The following CYRIB variants were observed in gnomAD, a reference collection of about 807,000 sequenced individuals.
CYRIB encodes the protein CYFIP related Rac1 interactor B, also known as CYFIP-related Rac1 interactor B.
A neutral mutation model predicts 44.2 loss-of-function variants in CYRIB; 8 were observed. The ratio of observed to expected loss-of-function variants is 0.18; its 90% CI spans 0.11 to 0.33. The LOEUF (loss-of-function observed/expected upper bound fraction) is 0.33, where lower values mean the gene tolerates loss of function less well. Among genes scored for constraint, CYRIB ranks in the 10% least tolerant of loss-of-function variants. CYRIB has a pLI of 1.00. For missense variants in CYRIB, 185 were observed against 382.8 expected, an observed-to-expected ratio of 0.48 and a Z score of 4.31; for synonymous variants, 131 against 127.2, an observed-to-expected ratio of 1.03 and a Z score of -0.20.
intron 5 of CYRIB, among the ~76,000 whole-genome samples, chr8:129,856,888 G>A (rs2046466764): frequency 6.6e-6 from 1 of 152,178 alleles, no homozygotes; most frequent in Non-Finnish European, 1.5e-5. Flanking sequence ...CTGAAATAAA[G>A]CAACATTGTA....
chr8:129,857,895 C>T (rs930939018), intron 5 of CYRIB, among the ~76,000 whole-genome samples: 2 of 152,194 alleles, frequency 1.3e-5, no homozygotes, highest in Non-Finnish European at 2.9e-5. Context: ...TATCAAGTCT[C>T]AGGGTTAATT....
At chr8:130,016,951 G>A (rs1339137341), upstream of CYRIB, 1 of 152,286 alleles carries the variant, frequency 6.6e-6, no homozygotes, top group East Asian at 1.9e-4. Flanking sequence ...CAGGGCTTGG[G>A]CTCGAACCCC....
chr8:129,860,954 C>T (rs1028564640), intron 5 of CYRIB, among the ~76,000 whole-genome samples: 3 of 151,852 alleles, frequency 2.0e-5, no homozygotes, highest in Non-Finnish European at 4.4e-5. Flanking sequence ...AGACAAATCA[C>T]ATCTCTCAAG....
At chr8:129,955,341 A>G (rs996948867) in intron 2 of CYRIB, among the ~76,000 whole-genome samples, 1 of 152,070 alleles carries the variant, frequency 6.6e-6, no homozygotes, top group African/African-American at 2.4e-5. Context: ...CACCCATAAT[A>G]GCAAGGAATG....
At chr8:129,887,974 G>A (rs764286358) in intron 2 of CYRIB, among the ~76,000 whole-genome samples, 11 of 152,214 alleles carry the variant, frequency 7.2e-5, no homozygotes, top group Non-Finnish European at 1.6e-4. Context: ...ATGCTGAAAT[G>A]AGTTAAGACT....
chr8:129,986,007 A>G (rs2096442274), intron 1 of CYRIB, among the ~76,000 whole-genome samples: 1 of 152,130 alleles, frequency 6.6e-6, no homozygotes, highest in Admixed American at 6.5e-5. Flanking sequence ...TCCTCACCCT[A>G]AGTGTCCCTC....
chr8:129,906,419 A>T (rs1589325259), intron 1 of CYRIB, among the ~76,000 whole-genome samples: 1 of 152,226 alleles, frequency 6.6e-6, no homozygotes, highest in African/African-American at 2.4e-5. Flanking sequence ...CTGAAACTGG[A>T]TCCCTTCCTT....
chr8:129,857,262 A>G (rs925089783), intron 5 of CYRIB, among the ~76,000 whole-genome samples: 3 of 152,184 alleles, frequency 2.0e-5, no homozygotes, highest in African/African-American at 7.2e-5. Context: ...TGTGCTGAAA[A>G]TAAGTACAGT....
chr8:130,001,006 G>A (rs1305190505), intron 1 of CYRIB, among the ~76,000 whole-genome samples: 1 of 152,054 alleles, frequency 6.6e-6, no homozygotes, highest in Non-Finnish European at 1.5e-5. Flanking sequence ...TCTATATTTG[G>A]TGCCTCCCTT....
At chr8:129,974,098 A>G (rs186429431) in intron 1 of CYRIB, among the ~76,000 whole-genome samples, 218 of 152,262 alleles carry the variant, frequency 1.4e-3, no homozygotes, top group African/African-American at 4.9e-3. Flanking sequence ...GTCTGAGGCC[A>G]AGGCAGGAGA....
intron 1 of CYRIB, among the ~76,000 whole-genome samples, chr8:129,935,666 T>A (rs1357970997): frequency 6.6e-6 from 1 of 152,120 alleles, no homozygotes; most frequent in Non-Finnish European, 1.5e-5. Context: ...ACATAATGCA[T>A]CAACTAAAAT....
chr8:129,876,876 T>C (rs1008396761), intron 3 of CYRIB, among the ~76,000 whole-genome samples: 4 of 152,218 alleles, frequency 2.6e-5, no homozygotes, highest in Admixed American at 1.3e-4. Flanking sequence ...AAATAAACAA[T>C]GTAGTACTAA....
intron 8 of CYRIB, 94 bp downstream of exon 10, chr8:129,852,068 C>T (rs2043554875): frequency 5.7e-6 from 4 of 703,780 alleles, no homozygotes; most frequent in Non-Finnish European, 8.9e-6. Context: ...CTGTTGGTTT[C>T]AAGATGGTAT....
intron 3 of CYRIB, among the ~76,000 whole-genome samples, chr8:129,874,836 G>C (rs557258525): frequency 5.9e-5 from 9 of 152,202 alleles, no homozygotes; most frequent in Middle Eastern, 3.4e-3. Flanking sequence ...AAATAAGTTA[G>C]AGTAGGTCCC....
chr8:129,879,596 C>T, intron 2 of CYRIB, 125 bp from the exon 5 acceptor site: 1 of 705,080 alleles, frequency 1.4e-6, no homozygotes, highest in Non-Finnish European at 2.3e-6. Context: ...CTTCAGGTTA[C>T]CCAGACTGTG....
intron 3 of CYRIB, among the ~76,000 whole-genome samples, chr8:129,875,008 T>G (rs1000219556): frequency 1.3e-5 from 2 of 152,216 alleles, no homozygotes; most frequent in African/African-American, 4.8e-5. Context: ...CTATTTTGAT[T>G]TCCCTGGAGG....
chr8:129,934,825 G>A (rs556253775), intron 1 of CYRIB, among the ~76,000 whole-genome samples: 2 of 152,282 alleles, frequency 1.3e-5, no homozygotes, highest in South Asian at 2.1e-4. Context: ...AACTGGACCC[G>A]TTTAGATTAA....
chr8:129,930,365 T>TTATATATATATATATATATATATATATA (rs1554659983), intron 1 of CYRIB, among the ~76,000 whole-genome samples: 694 of 50,200 alleles, frequency 0.014, 95 homozygotes, highest in African/African-American at 0.022. Flanking sequence ...TGTGAAGTGC[T>TTATATATATATATATATATATATATATA]TATATATATA....
At chr8:129,961,509 G>A (rs925009517) in intron 2 of CYRIB, among the ~76,000 whole-genome samples, 1 of 152,202 alleles carries the variant, frequency 6.6e-6, no homozygotes, top group Admixed American at 6.5e-5. Context: ...TTACAGAGGG[G>A]TGGGACTAGT....
Sources: gnomAD v4.1 joint callset for allele counts (sites outside exome capture counted in the v4.1 genomes callset) on GRCh38, gnomAD v4.1.1 for gene constraint, MANE v1.5 for transcripts, NCBI Gene and HGNC (gene_info 2026-07-23, HGNC 2026-07-21) for gene names.